Variants in RSRC1 observed in about 807,000 individuals in gnomAD.
RSRC1 encodes the protein arginine and serine rich coiled-coil 1.
Under a neutral mutation model 49.1 loss-of-function variants are expected in RSRC1, and 39 were observed. The observed-to-expected ratio is 0.79, with a 90% CI of 0.61 to 1.04. The LOEUF is 1.04. RSRC1 is among the 50% of genes least tolerant of loss of function. The pLI, the probability that RSRC1 is intolerant of heterozygous loss-of-function variation, is 0.00. For missense variants in RSRC1, 388 were observed against 402.4 expected, an observed-to-expected ratio of 0.96 and a Z score of 0.31; for synonymous variants, 143 against 130.8, an observed-to-expected ratio of 1.09 and a Z score of -0.63.
intron 4 of RSRC1, among the ~76,000 whole-genome samples, chr3:158,256,079 C>T (rs1465098771): frequency 6.6e-6 from 1 of 152,096 alleles, no homozygotes; most frequent in Non-Finnish European, 1.5e-5. Flanking sequence ...ATTGCCCTGG[C>T]CAGAACCTCC....
chr3:158,427,277 T>G (rs1735501704), intron 6 of RSRC1, among the ~76,000 whole-genome samples: 2 of 151,828 alleles, frequency 1.3e-5, no homozygotes. Flanking sequence ...TACAAATTAT[T>G]TGAATTAATG....
At chr3:158,194,491 C>CTTTTTTTTTTTTTTTTTTTTTT (rs368635096) in intron 3 of RSRC1, among the ~76,000 whole-genome samples, 1 of 126,572 alleles carries the variant, frequency 7.9e-6, no homozygotes. Flanking sequence ...CTTTGAGATT[C>CTTTTTTTTTTTTTTTTTTTTTT]TTTTTTTTTT....
At chr3:158,170,488 A>G (rs909668747) in intron 3 of RSRC1, among the ~76,000 whole-genome samples, 3 of 152,142 alleles carry the variant, frequency 2.0e-5, no homozygotes, top group African/African-American at 4.8e-5. Flanking sequence ...TTTCCCCACT[A>G]ATTACAACTA....
At chr3:158,435,641 A>G (rs190292307) in intron 6 of RSRC1, among the ~76,000 whole-genome samples, 25 of 151,792 alleles carry the variant, frequency 1.6e-4, no homozygotes, top group Non-Finnish European at 2.8e-4. Flanking sequence ...ATTTACTTTC[A>G]CTTTGAAAGT....
rs549048755 is a variant in RSRC1, at chr3:158,252,970, T to C, written c.495-45069T>C. On this transcript the variant is annotated intron_variant, in intron 4 of 9. Coordinates refer to ENST00000611884, the MANE Select transcript of RSRC1 (RefSeq NM_001271838.2). ...TCTGATTTTATTGATTTGGTTCTTC[T>C]CTCTTTTTCTCTTAGACTGACTAAA... 1.4e-4 allele frequency among the ~76,000 whole-genome samples: 21 copies of C among 152,156 alleles called. No individual in the cohort carries two copies. The East Asian group carries it at 4.0e-3, about 29-fold the overall frequency.
intron 4 of RSRC1, among the ~76,000 whole-genome samples, chr3:158,263,640 C>T (rs1394283169): frequency 1.3e-5 from 2 of 151,956 alleles, no homozygotes; most frequent in Admixed American, 1.3e-4. Flanking sequence ...GGCATGAAGC[C>T]ATTTGGGCCT....
At chr3:158,232,922 A>C (rs1258911580) in intron 4 of RSRC1, among the ~76,000 whole-genome samples, 1 of 152,112 alleles carries the variant, frequency 6.6e-6, no homozygotes, top group Non-Finnish European at 1.5e-5. Flanking sequence ...TTGTCCTTGG[A>C]GTGGTGTTGC....
chr3:158,249,306 C>T (rs1724076127), intron 4 of RSRC1, among the ~76,000 whole-genome samples: 2 of 152,132 alleles, frequency 1.3e-5, no homozygotes, highest in Admixed American at 1.3e-4. Context: ...CCTCAGGCAC[C>T]CACTTATTGT....
chr3:158,383,788 G>A (rs990544632), intron 6 of RSRC1, among the ~76,000 whole-genome samples: 2 of 152,010 alleles, frequency 1.3e-5, no homozygotes, highest in Non-Finnish European at 2.9e-5. Flanking sequence ...ATGCATTATA[G>A]AAAGATATCA....
rs1326683556 is a variant in RSRC1 at position 158,488,589 on chromosome 3, ATGT to A, written c.652+27591_652+27593del. Among the ~76,000 whole-genome samples, 4 of 152,204 alleles carry A rather than the reference ATGT, an allele frequency of 2.6e-5. 1 individual carries two copies. The highest frequency in any genetic ancestry group is 9.6e-5 in the African/African-American group (4 of 41,458). Reference sequence around the variant, plus strand: ...TGCTTAGAAATTAGAGTATATAAAGATGTTGTTAGAAACTTTAGAAACTCTAGC... The same window carrying A: ...TGCTTAGAAATTAGAGTATATAAAGATGTTAGAAACTTTAGAAACTCTAGC... On this transcript the variant is annotated intron_variant, in intron 7 of 9. Coordinates refer to ENST00000611884, the MANE Select transcript of RSRC1 (RefSeq NM_001271838.2).
At chr3:158,333,423 T>A (rs1174930335) in intron 5 of RSRC1, among the ~76,000 whole-genome samples, 2 of 152,124 alleles carry the variant, frequency 1.3e-5, no homozygotes, top group African/African-American at 4.8e-5. Flanking sequence ...TCTAGAAAAA[T>A]CTCTCAGTAC....
intron 4 of RSRC1, among the ~76,000 whole-genome samples, chr3:158,237,951 T>C (rs1332846010): frequency 6.6e-6 from 1 of 152,114 alleles, no homozygotes; most frequent in East Asian, 1.9e-4. Flanking sequence ...CATAAATAGC[T>C]CCTATTATTT....
intron 7 of RSRC1, among the ~76,000 whole-genome samples, chr3:158,496,122 T>C (rs1451908815): frequency 1.3e-5 from 2 of 152,210 alleles, no homozygotes; most frequent in African/African-American, 4.8e-5. Flanking sequence ...TAAAAATTAG[T>C]ATTACATTCT....
intron 3 of RSRC1, among the ~76,000 whole-genome samples, chr3:158,192,213 A>G (rs892979349): frequency 1.1e-4 from 16 of 152,080 alleles, no homozygotes; most frequent in African/African-American, 3.4e-4. Flanking sequence ...CATACTGTGC[A>G]TACTGTGATG....
intron 6 of RSRC1, among the ~76,000 whole-genome samples, chr3:158,379,836 A>ACACACACACACCCT: frequency 7.0e-6 from 1 of 143,862 alleles, no homozygotes; most frequent in South Asian, 2.2e-4. Context: ...ACACACACAC[A>ACACACACACACCCT]CCCTCCCTCC....
intron 7 of RSRC1, among the ~76,000 whole-genome samples, chr3:158,495,975 A>G (rs1260682800): frequency 1.3e-5 from 2 of 152,242 alleles, no homozygotes; most frequent in Non-Finnish European, 2.9e-5. Context: ...ATATAATTAT[A>G]TATCTATATA....
At chr3:158,167,714 T>C (rs190521332) in intron 3 of RSRC1, among the ~76,000 whole-genome samples, 4 of 152,328 alleles carry the variant, frequency 2.6e-5, no homozygotes, top group East Asian at 3.9e-4. Flanking sequence ...TTCATCTGTA[T>C]ATTTAACTAC....
In RSRC1 at chr3:158,132,541, T is replaced by C. The variant is rs115223906; in HGVS notation, c.320+8550T>C. On this transcript the variant is annotated intron_variant, in intron 3 of 9. Transcript: ENST00000611884. ...TATGTTATTTCTTCAACTTGAAAAA[T>C]GCTGAGTTTTTTGAACTTAAAAATT... Among the ~76,000 whole-genome samples, 572 of 152,260 alleles carry C rather than the reference T, an allele frequency of 3.8e-3. 5 individuals carry two copies. The highest frequency in any genetic ancestry group is 0.013 in the African/African-American group (530 of 41,542).
At chr3:158,309,384 C>A (rs1219496306) in intron 5 of RSRC1, among the ~76,000 whole-genome samples, 1 of 151,724 alleles carries the variant, frequency 6.6e-6, no homozygotes, top group African/African-American at 2.4e-5. Flanking sequence ...CAAATTAATT[C>A]ATTCTGAAAC....
Sources: allele counts gnomAD v4.1 joint callset (sites outside exome capture counted in the v4.1 genomes callset), GRCh38; gene constraint gnomAD v4.1.1; transcripts MANE v1.5; gene names NCBI Gene and HGNC (gene_info 2026-07-23, HGNC 2026-07-21).